The following EBF1 variants were observed in gnomAD, a reference collection of about 807,000 sequenced individuals.
The protein encoded by EBF1 is EBF transcription factor 1, also known as transcription factor COE1.
Under a neutral mutation model 68.4 loss-of-function variants are expected in EBF1, and 10 were observed. The observed-to-expected ratio is 0.15, with a 90% confidence interval of 0.09 to 0.25. EBF1 has a LOEUF of 0.25. EBF1 is among the 10% of genes least tolerant of loss of function. EBF1 has a pLI of 1.00. For synonymous variants in EBF1, 298 were observed against 299.8 expected, an observed-to-expected ratio of 0.99 and a Z score of 0.06; for missense variants, 509 against 794.4, an observed-to-expected ratio of 0.64 and a Z score of 4.32.
At chr5:158,809,088 CA>C (rs1288411818) in intron 8 of EBF1, among the ~76,000 whole-genome samples, 8 of 152,142 alleles carry the variant, frequency 5.3e-5, no homozygotes, top group African/African-American at 1.9e-4. Context: ...CCCAACTAGT[CA>C]ACGCATCCCT....
At chr5:158,832,744 C>T (rs1469806980) in intron 7 of EBF1, among the ~76,000 whole-genome samples, 1 of 152,114 alleles carries the variant, frequency 6.6e-6, no homozygotes, top group African/African-American at 2.4e-5. Flanking sequence ...CATACGGATC[C>T]AGAGATACCA....
intron 6 of EBF1, among the ~76,000 whole-genome samples, chr5:159,029,306 A>C (rs1406502079): frequency 2.0e-5 from 3 of 152,224 alleles, no homozygotes; most frequent in Non-Finnish European, 4.4e-5. Context: ...TAACCAATAG[A>C]ATCGAGCACT....
intron 8 of EBF1, among the ~76,000 whole-genome samples, chr5:158,808,384 T>C (rs970236262): frequency 2.6e-5 from 4 of 152,242 alleles, no homozygotes; most frequent in African/African-American, 7.2e-5. Context: ...CAGATTAACC[T>C]TCCTCAAATA....
In EBF1 at chr5:159,073,531, G is replaced by A. The variant is rs963643786; in HGVS notation, c.486-67C>T. 46 of 1,573,720 alleles carry A rather than the reference G, an allele frequency of 2.9e-5. 2 individuals carry two copies. The South Asian group carries it at 5.0e-4, about 17-fold the overall frequency. ...TGTAAAATCATCATTTAGGCAGACA[G>A]AAGGCTCAAATTGCTGGGTTGCAAA... On this transcript the variant is annotated intron_variant, in intron 5 of 15. Coordinates refer to ENST00000313708, the MANE Select transcript of EBF1 (RefSeq NM_024007.5).
intron 11 of EBF1, among the ~76,000 whole-genome samples, chr5:158,721,972 C>A (rs1762024474): frequency 6.6e-6 from 1 of 151,726 alleles, no homozygotes; most frequent in East Asian, 1.9e-4. Context: ...TGAATGGGAG[C>A]CTGGGGTGCT....
intron 6 of EBF1, among the ~76,000 whole-genome samples, chr5:158,899,866 T>C (rs1046435217): frequency 2.0e-5 from 3 of 152,190 alleles, no homozygotes; most frequent in African/African-American, 4.8e-5. Flanking sequence ...TTTAACCCTC[T>C]TCTCTTCCTA....
intron 8 of EBF1, among the ~76,000 whole-genome samples, chr5:158,819,491 C>G (rs1342781153): frequency 2.0e-5 from 3 of 152,214 alleles, no homozygotes; most frequent in African/African-American, 7.2e-5. Flanking sequence ...GCCTTGAATT[C>G]AAGTAAACAC....
At position 158,888,452 on chromosome 5, in the gene EBF1, T is replaced by C. The variant is rs371626124; in HGVS notation, c.555-48342A>G. Reference sequence around the variant, plus strand: ...TTCCTAAGAGGCAAGAATGTGAACCTAGTATAGAGTCATAAAAGTAATAAA... The same window carrying C: ...TTCCTAAGAGGCAAGAATGTGAACCCAGTATAGAGTCATAAAAGTAATAAA... On this transcript the variant is annotated intron_variant, in intron 6 of 15. Coordinates refer to ENST00000313708, the MANE Select transcript of EBF1 (RefSeq NM_024007.5). Among the ~76,000 whole-genome samples the C allele has an allele frequency of 2.0e-3, 311 of 152,292 alleles. 3 individuals carry two copies. The highest frequency in any genetic ancestry group is 7.3e-3 in the African/African-American group (304 of 41,566).
chr5:158,941,152 T>C, intron 6 of EBF1: 1 of 455,608 alleles, frequency 2.2e-6, no homozygotes, highest in South Asian at 1.6e-5. Context: ...GTGGGGCTTT[T>C]CTGTAAACCA....
chr5:158,930,325 G>A (rs1281911047), intron 6 of EBF1, among the ~76,000 whole-genome samples: 3 of 149,658 alleles, frequency 2.0e-5, no homozygotes, highest in Non-Finnish European at 4.4e-5. Flanking sequence ...AACAGACCCC[G>A]CCAGAGAGGA....
At chr5:158,703,457 C>T (rs908470639) in intron 15 of EBF1, among the ~76,000 whole-genome samples, 3 of 152,100 alleles carry the variant, frequency 2.0e-5, no homozygotes, top group Non-Finnish European at 4.4e-5. Context: ...TATTTAACTG[C>T]AGGATGCCCC....
Position 159,099,460 on chromosome 5 carries a change from T to C in EBF1, c.19A>G (p.Ser7Gly). Reference protein sequence around the residue: MFGIQESIQRSGSSMKE... With the variant: MFGIQEGIQRSGSSMKE... ...ATGCTGCTTCCACTCCGTTGGATGC[T>C]TTCCTGAATCCCAAACATGAAAACA... The change falls in exon 1 of 16, where the codon AGC (serine) becomes GGC (glycine). Residue 7 changes from serine (S) to glycine (G), a missense_variant. Around this residue, in one of 3 missense-constraint regions of EBF1, gnomAD observed 74 missense variants for 79.4 expected, o/e 0.93. Coordinates refer to ENST00000313708, the MANE Select transcript of EBF1 (RefSeq NM_024007.5). The C allele has an allele frequency of 1.2e-5, 19 of 1,590,370 alleles. No individual in the cohort carries two copies. Among genetic ancestry groups the C allele is most frequent in the Non-Finnish European group, 1.5e-5 (17 of 1,169,290 alleles).
At chr5:158,918,181 T>C (rs1471185574) in intron 6 of EBF1, among the ~76,000 whole-genome samples, 1 of 152,242 alleles carries the variant, frequency 6.6e-6, no homozygotes, top group East Asian at 1.9e-4. Flanking sequence ...CTAGCAATGA[T>C]TAAAAAGCCC....
At chr5:158,954,470 G>C (rs1357386556) in intron 6 of EBF1, among the ~76,000 whole-genome samples, 2 of 152,210 alleles carry the variant, frequency 1.3e-5, no homozygotes, top group African/African-American at 2.4e-5. Flanking sequence ...GAATAAATGT[G>C]CCAACAATTA....
rs180677352 is a variant in EBF1, at chr5:158,793,566, T to C, written c.909+2779A>G. ...CTCTCTTATTAACTAGGACTTTTCC[T>C]TCCTTTATAAAAAAAATATGGTATA... On this transcript the variant is annotated intron_variant, in intron 9 of 15. Coordinates refer to ENST00000313708, the MANE Select transcript of EBF1 (RefSeq NM_024007.5). Among the ~76,000 whole-genome samples the C allele has an allele frequency of 1.1e-4, 17 of 152,326 alleles. No homozygotes were observed. In the East Asian group the frequency reaches 3.3e-3, roughly 29 times the overall value.
chr5:158,708,509 G>A (rs181174151), intron 14 of EBF1, among the ~76,000 whole-genome samples: 19 of 152,292 alleles, frequency 1.2e-4, no homozygotes, highest in South Asian at 1.2e-3. Flanking sequence ...CAAATGCACC[G>A]AGTGCCTTTA....
intron 10 of EBF1, among the ~76,000 whole-genome samples, chr5:158,770,749 T>A (rs1773707708): frequency 1.3e-5 from 2 of 152,110 alleles, no homozygotes; most frequent in African/African-American, 4.8e-5. Context: ...TAGCTCTTTG[T>A]CATCCTTCAA....
At chr5:159,029,862 G>A (rs1031450872) in intron 6 of EBF1, among the ~76,000 whole-genome samples, 1 of 151,666 alleles carries the variant, frequency 6.6e-6, no homozygotes, top group African/African-American at 2.4e-5. Context: ...GCTGAGGCGA[G>A]AGTATCATCA....
At chr5:158,748,524 A>G (rs1768090137) in intron 10 of EBF1, among the ~76,000 whole-genome samples, 1 of 152,216 alleles carries the variant, frequency 6.6e-6, no homozygotes. Context: ...TTCACAAACC[A>G]TTAATGCCCC....
Sources: gnomAD v4.1 joint callset for allele counts (sites outside exome capture counted in the v4.1 genomes callset) on GRCh38, gnomAD v4.1.1 for gene constraint, gnomAD v4.1.1 regional missense constraint, MANE v1.5 for transcripts, NCBI Gene and HGNC (gene_info 2026-07-23, HGNC 2026-07-21) for gene names.